Variants in HECW1 observed in about 807,000 individuals in gnomAD.
The protein encoded by HECW1 is HECT, C2 and WW domain containing E3 ubiquitin protein ligase 1.
A neutral mutation model predicts 182.3 loss-of-function variants in HECW1; 61 were observed. That is an observed-to-expected ratio of 0.33 (90% CI 0.27 to 0.41). The LOEUF is 0.41. HECW1 is among the 10% of genes least tolerant of loss of function. The probability of loss-of-function intolerance (pLI) is 1.00; values close to 1 mark genes in which losing one functional copy is unlikely to be tolerated. For synonymous variants in HECW1, 859 were observed against 832.6 expected, an observed-to-expected ratio of 1.03 and a Z score of -0.55; for missense variants, 1,739 against 2,108.9, an observed-to-expected ratio of 0.82 and a Z score of 3.44.
chr7:43,133,104 T>C (rs889662987), intron 2 of HECW1, among the ~76,000 whole-genome samples: 1 of 152,112 alleles, frequency 6.6e-6, no homozygotes, highest in African/African-American at 2.4e-5. Context: ...AATGATCAAT[T>C]ACATTAATAA....
At chr7:43,459,570 C>T (rs1229516017) in intron 13 of HECW1, among the ~76,000 whole-genome samples, 1 of 151,740 alleles carries the variant, frequency 6.6e-6, no homozygotes, top group Non-Finnish European at 1.5e-5. Context: ...TGGAGTCTCA[C>T]TCTGTCGCCC....
chr7:43,166,220 AT>A (rs1444086913), intron 2 of HECW1, among the ~76,000 whole-genome samples: 2 of 152,164 alleles, frequency 1.3e-5, no homozygotes, highest in Non-Finnish European at 2.9e-5. Context: ...AGTAGCTGGG[AT>A]TACAGGCACC....
intron 3 of HECW1, among the ~76,000 whole-genome samples, chr7:43,244,346 G>A (rs918882778): frequency 4.6e-5 from 7 of 152,192 alleles, no homozygotes; most frequent in Non-Finnish European, 8.8e-5. Context: ...CTGACTCAGA[G>A]CCAGGCCATC....
At chr7:43,512,463 G>A (rs1032293216) in intron 24 of HECW1, among the ~76,000 whole-genome samples, 7 of 152,186 alleles carry the variant, frequency 4.6e-5, no homozygotes, top group Non-Finnish European at 8.8e-5. Flanking sequence ...ATCAGAAAAT[G>A]CTGTGAAATT....
At chr7:43,468,787 G>A (rs2077894749) in intron 15 of HECW1, 133 bp from the exon 16 acceptor site, 5 of 745,942 alleles carry the variant, frequency 6.7e-6, no homozygotes, top group Non-Finnish European at 1.1e-5. Flanking sequence ...ATTTTCTGAG[G>A]CCTCTACCTC....
chr7:43,381,145 T>C (rs2152827435), intron 6 of HECW1, among the ~76,000 whole-genome samples: 1 of 152,328 alleles, frequency 6.6e-6, no homozygotes, highest in East Asian at 1.9e-4. Context: ...GATTCCTGCT[T>C]TTGTGAAGAG....
chr7:43,452,368 G>A (rs570898641), intron 12 of HECW1, among the ~76,000 whole-genome samples: 195 of 152,266 alleles, frequency 1.3e-3, no homozygotes, highest in African/African-American at 4.1e-3. Flanking sequence ...ACATAAATCC[G>A]TTGTAAAATA....
At chr7:43,429,311 T>TGC (rs2076463149) in intron 8 of HECW1, among the ~76,000 whole-genome samples, 2 of 127,852 alleles carry the variant, frequency 1.6e-5, no homozygotes, top group Non-Finnish European at 3.2e-5. Context: ...TATATATATA[T>TGC]ATATATATAT....
At chr7:43,552,707 G>A (rs1287248379) in intron 28 of HECW1, among the ~76,000 whole-genome samples, 1 of 152,110 alleles carries the variant, frequency 6.6e-6, no homozygotes, top group Non-Finnish European at 1.5e-5. Context: ...TTAGCCTACT[G>A]TTTTGAGGTT....
intron 2 of HECW1, among the ~76,000 whole-genome samples, chr7:43,197,473 A>C (rs901784287): frequency 6.6e-6 from 1 of 152,232 alleles, no homozygotes; most frequent in Non-Finnish European, 1.5e-5. Context: ...ACAGATGCCC[A>C]GGAGCGTGCA....
intron 2 of HECW1, among the ~76,000 whole-genome samples, chr7:43,125,203 G>A (rs1786077333): frequency 6.6e-6 from 1 of 151,976 alleles, no homozygotes; most frequent in Non-Finnish European, 1.5e-5. Context: ...TACCTTCAAA[G>A]GCTCCTCCTC....
At chr7:43,219,584 C>T (rs1414080492) in intron 2 of HECW1, among the ~76,000 whole-genome samples, 1 of 151,994 alleles carries the variant, frequency 6.6e-6, no homozygotes, top group Non-Finnish European at 1.5e-5. Flanking sequence ...GGGTCATGAT[C>T]GATTGAGCAA....
At chr7:43,532,456 A>C (rs900387717) in intron 24 of HECW1, among the ~76,000 whole-genome samples, 6 of 152,166 alleles carry the variant, frequency 3.9e-5, no homozygotes, top group African/African-American at 1.4e-4. Context: ...CATCATACTT[A>C]GAATGAAATC....
rs1784992510 is a variant in HECW1, at chr7:43,115,747, G to T, written c.-32+1356G>T. Among the ~76,000 whole-genome samples the T allele has an allele frequency of 2.0e-5, 3 of 152,180 alleles. No homozygotes were observed. The South Asian group carries it at 6.2e-4, about 32-fold the overall frequency. On this transcript the variant is annotated intron_variant, in intron 2 of 29. Transcript: ENST00000395891. ...GTAGTTGTGCACTCATTTGTTTTAA[G>T]TTACAATCAAAATAATATCCTGAAA...
chr7:43,468,988 T>G lies in HECW1; in HGVS notation c.2982T>G (p.Ala994=). 6.2e-7 allele frequency: 1 copy of G among 1,614,208 alleles called. No homozygotes were observed. The highest frequency in any genetic ancestry group is 8.5e-7 in the Non-Finnish European group (1 of 1,180,042). Residue 994 remains alanine (A), a synonymous_variant, in exon 16 of 30, where the codon GCT becomes GCG. Transcript: ENST00000395891. ...KHMILKVRRD[A]RNFERYQHNR... ...TGATTCTGAAAGTCCGACGGGATGC[T>G]CGCAATTTTGAACGCTACCAGCACA...
intron 17 of HECW1, among the ~76,000 whole-genome samples, chr7:43,487,821 C>T (rs1399051380): frequency 6.6e-6 from 1 of 151,760 alleles, no homozygotes; most frequent in African/African-American, 2.4e-5. Flanking sequence ...TAGCTGGGCA[C>T]AGTGATGTGT....
At position 43,396,860 on chromosome 7, in the gene HECW1, G is replaced by C. The variant is rs1262248713; in HGVS notation, c.602G>C (p.Ser201Thr). Reference protein sequence around the residue: ...GADETVQGQGSRRLISFSLSD... With the variant: ...GADETVQGQGTRRLISFSLSD... ...GATGAGACCGTCCAAGGACAAGGAAGTCGGAGGCTGATCAGCTTCTCTCTC... is the reference window on the plus strand; with the variant it reads ...GATGAGACCGTCCAAGGACAAGGAACTCGGAGGCTGATCAGCTTCTCTCTC... The change falls in exon 7 of 30, where the codon AGT becomes ACT. Residue 201 changes from serine (S) to threonine (T), a missense_variant. Ser to Thr is a moderately conservative substitution (Grantham distance 58). Coordinates refer to ENST00000395891, the MANE Select transcript of HECW1 (RefSeq NM_015052.5). The C allele has an allele frequency of 6.2e-7, 1 of 1,612,886 alleles. No individual in the cohort carries two copies. The highest frequency in any genetic ancestry group is 1.3e-5 in the African/African-American group (1 of 74,892).
At chr7:43,281,841 T>G (rs1371638380) in intron 3 of HECW1, among the ~76,000 whole-genome samples, 1 of 151,466 alleles carries the variant, frequency 6.6e-6, no homozygotes, top group Non-Finnish European at 1.5e-5. Flanking sequence ...GATTTAATAT[T>G]ATGGGTGTGA....
At chr7:43,129,639 C>G (rs143414003) in intron 2 of HECW1, among the ~76,000 whole-genome samples, 1 of 152,168 alleles carries the variant, frequency 6.6e-6, no homozygotes, top group Non-Finnish European at 1.5e-5. Context: ...AAAAACAAAA[C>G]GGATAAAGGA....
Sources: gnomAD v4.1 joint callset for allele counts (sites outside exome capture counted in the v4.1 genomes callset) on GRCh38, gnomAD v4.1.1 for gene constraint, MANE v1.5 for transcripts, NCBI Gene and HGNC (gene_info 2026-07-23, HGNC 2026-07-21) for gene names.